The following ZNF322 variants were observed in gnomAD, a reference collection of about 807,000 sequenced individuals.
ZNF322 encodes the protein zinc finger protein 322.
A neutral mutation model predicts 18.3 loss-of-function variants in ZNF322; 1 was observed. The observed-to-expected ratio is 0.05, with a 90% confidence interval of 0.02 to 0.26. The LOEUF (loss-of-function observed/expected upper bound fraction) is 0.26. Among genes scored for constraint, ZNF322 ranks in the 10% least tolerant of loss-of-function variants. The probability of loss-of-function intolerance (pLI) is 1.00; values close to 1 mark genes in which losing one functional copy is unlikely to be tolerated. For missense variants in ZNF322, 36 were observed against 403.6 expected, an observed-to-expected ratio of 0.09 and a Z score of 7.80; for synonymous variants, 17 against 130.7, an observed-to-expected ratio of 0.13 and a Z score of 5.93.
At chr6:26,649,089 C>G (rs1483324620) in intron 2 of ZNF322, among the ~76,000 whole-genome samples, 1 of 152,152 alleles carries the variant, frequency 6.6e-6, no homozygotes, top group African/African-American at 2.4e-5. Flanking sequence ...TACTTTCTGG[C>G]CCTTTAAAGA....
At chr6:26,656,130 T>C (rs1278552781) in intron 2 of ZNF322, among the ~76,000 whole-genome samples, 4 of 152,244 alleles carry the variant, frequency 2.6e-5, no homozygotes, top group African/African-American at 9.6e-5. Flanking sequence ...AAAGGTATTT[T>C]ATTTTGGTTT....
At chr6:26,640,148 C>T (rs1190340134) in intron 3 of ZNF322, among the ~76,000 whole-genome samples, 1 of 152,166 alleles carries the variant, frequency 6.6e-6, no homozygotes, top group Non-Finnish European at 1.5e-5. Flanking sequence ...AGGCTGTTGT[C>T]CCATTTCTCT....
intron 2 of ZNF322, among the ~76,000 whole-genome samples, chr6:26,652,885 A>G (rs935042872): frequency 2.0e-5 from 3 of 152,118 alleles, no homozygotes; most frequent in Non-Finnish European, 4.4e-5. Context: ...TGCATGTGTC[A>G]GGGTAAAGAG....
Position 26,638,713 on chromosome 6 carries a change from C to G in ZNF322, c.-160G>C, listed in dbSNP as rs1187856918. On this transcript the variant is annotated 5_prime_UTR_variant, in exon 4 of 4. Coordinates refer to ENST00000415922, the MANE Select transcript of ZNF322 (RefSeq NM_024639.5). ...CAGCATCATATATGTTAATTCCTTA[C>G]TTGGTATTTCCAACCCTGTGAGACA... The G allele has an allele frequency of 3.1e-6, 3 of 965,918 alleles. No homozygotes were observed. The highest frequency in any genetic ancestry group is 3.1e-6 in the Non-Finnish European group (2 of 651,388). 59.8% of individuals were successfully genotyped at this position (965,918 alleles called of 1,614,324 possible).
In ZNF322 at chr6:26,643,693, A is replaced by G. The variant is rs1201091948; in HGVS notation, c.-210T>C. On this transcript the variant is annotated 5_prime_UTR_variant, in exon 3 of 4. Transcript: ENST00000415922. ...AGATGGAAGAAAACATACATTCCTG[A>G]TCCTGACAATTTGACTTCTCAAAGA... 1.9e-5 allele frequency: 3 copies of G among 160,958 alleles called. No homozygotes were observed. The East Asian group carries it at 5.8e-4, about 31-fold the overall frequency. 10.0% of individuals were successfully genotyped at this position (160,958 alleles called of 1,614,324 possible).
intron 2 of ZNF322, among the ~76,000 whole-genome samples, chr6:26,653,960 GA>G (rs539927726): frequency 0.01 from 1,565 of 150,460 alleles, 16 homozygotes; most frequent in African/African-American, 0.025. Flanking sequence ...ACACAGAAGA[GA>G]AAAAAAAATA....
chr6:26,638,802 A>C, intron 3 of ZNF322, 74 bp from the exon 4 acceptor site: 1 of 524,406 alleles, frequency 1.9e-6, no homozygotes, highest in Non-Finnish European at 3.1e-6. Flanking sequence ...AAATCACTGC[A>C]GAAAAGACAA....
At chr6:26,650,976 A>G (rs1156865092) in intron 2 of ZNF322, among the ~76,000 whole-genome samples, 8 of 152,214 alleles carry the variant, frequency 5.3e-5, no homozygotes, top group African/African-American at 1.9e-4. Flanking sequence ...CATAATGCTG[A>G]AGGGCAGGAA....
At chr6:26,658,695 T>C (rs1414435249) in intron 1 of ZNF322, 49 bp from the exon 2 acceptor site, 1 of 163,074 alleles carries the variant, frequency 6.1e-6, no homozygotes, top group African/African-American at 2.4e-5. Context: ...AAATTTATAA[T>C]TCATAATTTT....
At position 26,659,736 on chromosome 6, in the gene ZNF322, G is replaced by T. The variant is rs1765853049; in HGVS notation, c.-630C>A. ...CTTTCAAGCTGGCTGGGAAGAGGCC[G>T]GCGCAGCCCCACCCCCGCAAGTCAC... On this transcript the variant is annotated 5_prime_UTR_variant, in exon 1 of 4. Transcript: ENST00000415922. The T allele has an allele frequency of 6.5e-6, 1 of 153,324 alleles. No homozygotes were observed. The highest frequency in any genetic ancestry group is 1.5e-5 in the Non-Finnish European group (1 of 68,550). The allele number at this position is 153,324 out of a possible 1,614,324, so 9.5% of individuals were successfully genotyped here.
Position 26,638,744 on chromosome 6 carries a change from G to T in ZNF322, c.-175-16C>A. The T allele has an allele frequency of 2.1e-6, 2 of 934,134 alleles. No homozygotes were observed. Among genetic ancestry groups the T allele is most frequent in the Admixed American group, 5.9e-5 (2 of 33,942 alleles). The allele number at this position is 934,134 out of a possible 1,614,324, so 57.9% of individuals were successfully genotyped here. On this transcript the variant is annotated splice_polypyrimidine_tract_variant and intron_variant, in intron 3 of 3. Transcript: ENST00000415922. Reference sequence around the variant, plus strand: ...ATTTCCAACCCTGTGAGACAAAGTAGAAATATTATTTATATTCCTATGACT... The same window carrying T: ...ATTTCCAACCCTGTGAGACAAAGTATAAATATTATTTATATTCCTATGACT...
At chr6:26,657,543 T>C (rs1765803671) in intron 2 of ZNF322, among the ~76,000 whole-genome samples, 2 of 152,154 alleles carry the variant, frequency 1.3e-5, no homozygotes, top group Admixed American at 1.3e-4. Context: ...TCACATTTTA[T>C]TTCTCTCCAC....
Position 26,638,167 on chromosome 6 carries a change from A to G in ZNF322, c.387T>C (p.Cys129=). 6.2e-7 allele frequency: 1 copy of G among 1,613,442 alleles called. No individual in the cohort carries two copies. The highest frequency in any genetic ancestry group is 1.1e-5 in the South Asian group (1 of 91,036). ...GACCAAAATTCTTGCCACAAATGTC[A>G]CATGTATAGAATTTTTTACCTGCAT... ...RTHAGKKFYT[C]DICGKNFGQS... is the part of the protein sequence containing the mutation. Residue 129 remains cysteine, a synonymous_variant, in exon 4 of 4, where the codon TGT becomes TGC. Coordinates refer to ENST00000415922, the MANE Select transcript of ZNF322 (RefSeq NM_024639.5).
At chr6:26,640,295 A>G (rs1765444172) in intron 3 of ZNF322, among the ~76,000 whole-genome samples, 1 of 152,120 alleles carries the variant, frequency 6.6e-6, no homozygotes, top group African/African-American at 2.4e-5. Context: ...TCTGTTAGAA[A>G]CCTACAAGCT....
intron 2 of ZNF322, among the ~76,000 whole-genome samples, chr6:26,646,398 T>C (rs1183464698): frequency 6.6e-6 from 1 of 152,008 alleles, no homozygotes; most frequent in East Asian, 1.9e-4. Context: ...ACAATAAAAG[T>C]AGGGCTTTTG....
chr6:26,659,217 T>C (rs1765837486), intron 1 of ZNF322, among the ~76,000 whole-genome samples: 1 of 152,254 alleles, frequency 6.6e-6, no homozygotes, highest in Admixed American at 6.5e-5. Context: ...TTATATTGCT[T>C]TGAAAAGTGC....
At chr6:26,653,531 G>A (rs1239988874) in intron 2 of ZNF322, among the ~76,000 whole-genome samples, 2 of 152,176 alleles carry the variant, frequency 1.3e-5, no homozygotes, top group Non-Finnish European at 2.9e-5. Flanking sequence ...GGAGTACTAT[G>A]CAACTGTAAA....
intron 3 of ZNF322, among the ~76,000 whole-genome samples, chr6:26,639,963 A>G (rs1237176194): frequency 6.6e-6 from 1 of 152,150 alleles, no homozygotes. Flanking sequence ...CAATCTAAGG[A>G]TAGCCTTTCC....
chr6:26,643,170 T>C (rs1283541210), intron 3 of ZNF322, among the ~76,000 whole-genome samples: 1 of 152,228 alleles, frequency 6.6e-6, no homozygotes, highest in Non-Finnish European at 1.5e-5. Context: ...CTTAGGGCCT[T>C]TGCCCTTTCT....
Sources: gnomAD v4.1 joint callset for allele counts (sites outside exome capture counted in the v4.1 genomes callset) on GRCh38, gnomAD v4.1.1 for gene constraint, MANE v1.5 for transcripts, NCBI Gene and HGNC (gene_info 2026-07-23, HGNC 2026-07-21) for gene names.